The following OGA variants were observed in gnomAD, a reference collection of about 807,000 sequenced individuals.
The protein encoded by OGA is O-GlcNAcase.
A neutral mutation model predicts 102.0 loss-of-function variants in OGA; 21 were observed. The observed-to-expected ratio is 0.21, with a 90% CI of 0.15 to 0.30. The LOEUF is 0.30. Among genes scored for constraint, OGA ranks in the 10% least tolerant of loss-of-function variants. The probability of loss-of-function intolerance (pLI) is 1.00; values close to 1 mark genes in which losing one functional copy is unlikely to be tolerated. For missense variants in OGA, 765 were observed against 1,107.8 expected, an observed-to-expected ratio of 0.69 and a Z score of 4.39; for synonymous variants, 408 against 378.2, an observed-to-expected ratio of 1.08 and a Z score of -0.91.
intron 1 of OGA, among the ~76,000 whole-genome samples, chr10:101,814,097 G>A (rs969864994): frequency 6.6e-6 from 1 of 151,506 alleles, no homozygotes; most frequent in Non-Finnish European, 1.5e-5. Context: ...GGAGGCTGAG[G>A]CAGGTAGATC....
chr10:101,803,527 T>C (rs1423998046), intron 7 of OGA, among the ~76,000 whole-genome samples: 1 of 151,302 alleles, frequency 6.6e-6, no homozygotes, highest in Admixed American at 6.6e-5. Context: ...ACCTTTCTTC[T>C]ATCATATACA....
rs759806482 is a variant in OGA, at chr10:101,799,100, T to C, written c.1551A>G (p.Gln517=). ...AESKSPEMSM[Q]EDCISDIAPM... ...GGGCAATGTCACTAATACAATCTTC[T>C]TGCATGGACATCTCTGGGGATTTTG... is the stretch of plus-strand genomic sequence containing the variant. The change falls in exon 9 of 16, where the codon CAA becomes CAG. Residue 517 remains glutamine, a synonymous_variant. Coordinates refer to ENST00000361464, the MANE Select transcript of OGA (RefSeq NM_012215.5). 5.6e-6 allele frequency: 9 copies of C among 1,614,100 alleles called. No individual in the cohort carries two copies. The African/African-American group carries it at 1.1e-4, about 19-fold the overall frequency.
chr10:101,818,102 G>C lies in OGA; in HGVS notation c.-80C>G. The C allele has an allele frequency of 2.8e-6, 4 of 1,436,144 alleles. No homozygotes were observed. The highest frequency in any genetic ancestry group is 2.8e-5 in the Admixed American group (1 of 35,834). 89.0% of individuals were successfully genotyped at this position (1,436,144 alleles called of 1,614,324 possible). A position where few individuals can be genotyped will look rare whatever the true frequency, so the allele number is the denominator to read the frequency against. On this transcript the variant is annotated 5_prime_UTR_variant, in exon 1 of 16. Coordinates refer to ENST00000361464, the MANE Select transcript of OGA (RefSeq NM_012215.5). ...TGGGGCACCGGCCCGGAGCCCTGGA[G>C]AGGGCTTCAGCTCCAAGTGTGCGCC... is the stretch of plus-strand genomic sequence containing the variant.
At chr10:101,794,699 C>G (rs2065295668) in intron 10 of OGA, among the ~76,000 whole-genome samples, 1 of 152,130 alleles carries the variant, frequency 6.6e-6, no homozygotes, top group African/African-American at 2.4e-5. Flanking sequence ...TCTGACCAGC[C>G]ATTATAATAA....
At position 101,807,886 on chromosome 10, in the gene OGA, A is replaced by C. The variant is rs772342126; in HGVS notation, c.496T>G (p.Cys166Gly). 1.9e-6 allele frequency: 3 copies of C among 1,539,598 alleles called. No homozygotes were observed. The highest frequency in any genetic ancestry group is 2.6e-6 in the Non-Finnish European group (3 of 1,149,460). ...RKLDQVSQFG[C>G]RSFALLFDDI... ...TCAAAAAGCAAAGCAAATGATCTGC[A>C]CCCAAACTGAGAAACCTAGGAGAAA... Residue 166 changes from cysteine (C) to glycine (G), a missense_variant, in exon 5 of 16, where the codon TGC becomes GGC. Transcript: ENST00000361464.
chr10:101,814,050 G>A (rs960680607), intron 1 of OGA, among the ~76,000 whole-genome samples: 1 of 148,764 alleles, frequency 6.7e-6, no homozygotes, highest in East Asian at 2.0e-4. Flanking sequence ...AGGGGAGGCC[G>A]GGTGAGGTGA....
intron 9 of OGA, 46 bp downstream of exon 9, chr10:101,798,796 G>A (rs1199294957): frequency 6.4e-7 from 1 of 1,569,482 alleles, no homozygotes; most frequent in Non-Finnish European, 8.6e-7. Context: ...TTACCAGTAT[G>A]GGGAACCACC....
intron 2 of OGA, 24 bp downstream of exon 2, chr10:101,813,531 C>T: frequency 1.4e-6 from 2 of 1,427,648 alleles, no homozygotes; most frequent in Non-Finnish European, 1.9e-6. Context: ...GTTCTCCTCT[C>T]TCCTTCATAT....
chr10:101,786,731 A>T (rs1231498721), intron 15 of OGA, 144 bp from the exon 16 acceptor site: 2 of 723,886 alleles, frequency 2.8e-6, no homozygotes, highest in Non-Finnish European at 4.0e-6. Context: ...AATTAAAAAA[A>T]TTCATATTCA....
chr10:101,809,552 C>T (rs1003437856), intron 4 of OGA, among the ~76,000 whole-genome samples: 1 of 151,478 alleles, frequency 6.6e-6, no homozygotes, highest in Non-Finnish European at 1.5e-5. Context: ...CCTGTCTCTA[C>T]TAAAAATATA....
chr10:101,793,685 C>T (rs2135038608), intron 11 of OGA: 1 of 448,188 alleles, frequency 2.2e-6, no homozygotes, highest in Non-Finnish European at 4.1e-6. Context: ...GAAGTGTATA[C>T]CTAGAGCCGC....
chr10:101,812,634 AAAT>A (rs1433925514), intron 3 of OGA, among the ~76,000 whole-genome samples: 2 of 152,198 alleles, frequency 1.3e-5, no homozygotes, highest in Non-Finnish European at 2.9e-5. Context: ...AAATTGCATA[AAAT>A]ATTATTTATG....
Position 101,818,211 on chromosome 10 carries a change from A to C in OGA, c.-189T>G. 3 of 1,344,158 alleles carry C rather than the reference A, an allele frequency of 2.2e-6. No individual in the cohort carries two copies. Among genetic ancestry groups the C allele is most frequent in the Non-Finnish European group, 2.9e-6 (3 of 1,051,448 alleles). 83.3% of individuals were successfully genotyped at this position (1,344,158 alleles called of 1,614,324 possible). A position where few individuals can be genotyped will look rare whatever the true frequency, so the allele number is the denominator to read the frequency against. On this transcript the variant is annotated 5_prime_UTR_variant, in exon 1 of 16. Coordinates refer to ENST00000361464, the MANE Select transcript of OGA (RefSeq NM_012215.5). ...ATGCCCGGATGAGAAGGGCGGCGGCACCGGCGCGAGCCCTTTGTCAGCCGC... is the reference window on the plus strand; with the variant it reads ...ATGCCCGGATGAGAAGGGCGGCGGCCCCGGCGCGAGCCCTTTGTCAGCCGC...
In OGA at chr10:101,798,085, G is replaced by A; in HGVS notation, c.1879C>T (p.Arg627Trp). The A allele has an allele frequency of 6.2e-7, 1 of 1,614,036 alleles. No individual in the cohort carries two copies. Among genetic ancestry groups the A allele is most frequent in the Non-Finnish European group, 8.5e-7 (1 of 1,179,972 alleles). Residue 627 changes from arginine to tryptophan, a missense_variant, in exon 10 of 16, where the codon CGG (arginine) becomes TGG (tryptophan). Coordinates refer to ENST00000361464, the MANE Select transcript of OGA (RefSeq NM_012215.5). Reference sequence around the variant, plus strand: ...GTCCTGTTGGCACAATTGGAGAGCCGAGTGAACATTCCCATCACTAGTCCA... The same window carrying A: ...GTCCTGTTGGCACAATTGGAGAGCCAAGTGAACATTCCCATCACTAGTCCA... ...MCGLVMGMFTRLSNCANRTIL... is the reference protein window; with the variant it reads ...MCGLVMGMFTWLSNCANRTIL...
At chr10:101,803,684 G>T (rs757719238) in intron 7 of OGA, 51 bp downstream of exon 7, 1 of 1,522,272 alleles carries the variant, frequency 6.6e-7, no homozygotes, top group Non-Finnish European at 9.0e-7. Context: ...ACTGGCTCTA[G>T]TTAACCCCAG....
At chr10:101,808,582 C>T (rs968653339) in intron 4 of OGA, among the ~76,000 whole-genome samples, 4 of 152,098 alleles carry the variant, frequency 2.6e-5, no homozygotes, top group African/African-American at 9.7e-5. Context: ...TTTCAACTGC[C>T]TTAAATTTTT....
chr10:101,792,147 T>C (rs2065267378), intron 12 of OGA, among the ~76,000 whole-genome samples: 2 of 152,044 alleles, frequency 1.3e-5, no homozygotes, highest in Admixed American at 1.3e-4. Flanking sequence ...GCCTCCCGAG[T>C]AGCTGGGACT....
chr10:101,818,000 G>A lies in OGA; in HGVS notation c.23C>T (p.Ala8Val), dbSNP rs990277511. The A allele has an allele frequency of 6.2e-7, 1 of 1,602,824 alleles. No homozygotes were observed. The highest frequency in any genetic ancestry group is 8.5e-7 in the Non-Finnish European group (1 of 1,172,380). Residue 8 changes from alanine (A) to valine (V), a missense_variant, in exon 1 of 16, where the codon GCG (alanine) becomes GTG (valine). Coordinates refer to ENST00000361464, the MANE Select transcript of OGA (RefSeq NM_012215.5). ...CTCGCTCTCCCGCTCCTCCAACGTCGCTTGACTCTCCTTCTGCACCATCCT... is the reference window on the plus strand; with the variant it reads ...CTCGCTCTCCCGCTCCTCCAACGTCACTTGACTCTCCTTCTGCACCATCCT... MVQKESQ[A>V]TLEERESELS... is the part of the protein sequence containing the mutation.
rs1028570378 is a variant in OGA, at chr10:101,799,382, T to G, written c.1269A>C (p.Leu423Phe). Residue 423 changes from leucine to phenylalanine, a missense_variant, in exon 9 of 16, where the codon TTA becomes TTC. Leu to Phe is a conservative substitution (Grantham distance 22, BLOSUM62 0). Coordinates refer to ENST00000361464, the MANE Select transcript of OGA (RefSeq NM_012215.5). Reference protein sequence around the residue: ...DGTPLVAAPSLNATTVVTTVY... With the variant: ...DGTPLVAAPSFNATTVVTTVY... ...CTGTTGTTACTACGGTTGTGGCATT[T>G]AAAGAGGGTGCTGCAACTAAAGGAG... 2 of 1,614,072 alleles carry G rather than the reference T, an allele frequency of 1.2e-6. No individual in the cohort carries two copies. Among genetic ancestry groups the G allele is most frequent in the Non-Finnish European group, 1.7e-6 (2 of 1,180,034 alleles).
Sources: gnomAD v4.1 joint callset for allele counts (sites outside exome capture counted in the v4.1 genomes callset) on GRCh38, gnomAD v4.1.1 for gene constraint, MANE v1.5 for transcripts, NCBI Gene and HGNC (gene_info 2026-07-23, HGNC 2026-07-21) for gene names.